RANBP17: variants seen among roughly 807,000 people sequenced by gnomAD.
RANBP17 encodes the protein ran-binding protein 17.
In RANBP17, 158 loss-of-function variants were observed where a neutral mutation model predicts 141.2. The observed-to-expected ratio is 1.12, with a 90% CI of 0.98 to 1.28. The LOEUF is 1.28. Ranked by LOEUF, RANBP17 falls within the 50% of genes most tolerant of loss-of-function variation. RANBP17 has a pLI of 0.00. For missense variants in RANBP17, 1,438 were observed against 1,290.7 expected, an observed-to-expected ratio of 1.11 and a Z score of -1.75; for synonymous variants, 430 against 450.0, an observed-to-expected ratio of 0.96 and a Z score of 0.56.
chr5:171,105,654 G>C (rs1484136371), intron 14 of RANBP17, among the ~76,000 whole-genome samples: 2 of 151,756 alleles, frequency 1.3e-5, no homozygotes, highest in Non-Finnish European at 2.9e-5. Flanking sequence ...GGAGTTTGAA[G>C]TTCCAGTGAA....
chr5:170,968,268 A>T lies in RANBP17; in HGVS notation c.1601A>T (p.Asp534Val). ...GTTTTTCAGCTTATATCTTTAATGGATACCGGATTGCCTCGATGTTGTAAT... is the reference window on the plus strand; with the variant it reads ...GTTTTTCAGCTTATATCTTTAATGGTTACCGGATTGCCTCGATGTTGTAAT... ...CRVFQLISLMDTGLPRCCNEK... is the reference protein window; with the variant it reads ...CRVFQLISLMVTGLPRCCNEK... Residue 534 changes from aspartate to valine, a missense_variant, in exon 14 of 28, where the codon GAT becomes GTT. Asp to Val is a radical substitution (Grantham distance 152). Transcript: ENST00000523189. 6.3e-7 allele frequency: 1 copy of T among 1,597,426 alleles called. No homozygotes were observed. Among genetic ancestry groups the T allele is most frequent in the Non-Finnish European group, 8.5e-7 (1 of 1,174,800 alleles).
intron 7 of RANBP17, among the ~76,000 whole-genome samples, chr5:170,912,633 G>A (rs1175718786): frequency 2.0e-5 from 3 of 151,860 alleles, no homozygotes; most frequent in African/African-American, 4.8e-5. Context: ...CAGTGGAAAA[G>A]TTGTAAGACA....
At chr5:170,896,685 A>G (rs1241825811) in intron 5 of RANBP17, among the ~76,000 whole-genome samples, 1 of 152,052 alleles carries the variant, frequency 6.6e-6, no homozygotes, top group African/African-American at 2.4e-5. Flanking sequence ...CAACAATTAG[A>G]TGGGCGTGGT....
chr5:170,885,605 A>C (rs1327035757), intron 3 of RANBP17, among the ~76,000 whole-genome samples: 1 of 152,162 alleles, frequency 6.6e-6, no homozygotes, highest in Non-Finnish European at 1.5e-5. Flanking sequence ...CAAAAATGTG[A>C]CTGACTTGGG....
chr5:171,055,162 T>C (rs1024546785), intron 14 of RANBP17, among the ~76,000 whole-genome samples: 1 of 152,168 alleles, frequency 6.6e-6, no homozygotes, highest in African/African-American at 2.4e-5. Flanking sequence ...GGAACCAAAC[T>C]GATATGGGGT....
At chr5:170,969,455 G>A (rs545485718) in intron 14 of RANBP17, among the ~76,000 whole-genome samples, 1 of 151,930 alleles carries the variant, frequency 6.6e-6, no homozygotes, top group South Asian at 2.1e-4. Flanking sequence ...ATAACAGAGT[G>A]CCTTTTTAAT....
chr5:171,006,733 CTT>C (rs961895046), intron 14 of RANBP17, among the ~76,000 whole-genome samples: 21 of 126,754 alleles, frequency 1.7e-4, no homozygotes, highest in Admixed American at 1.5e-3. Flanking sequence ...TACTCTAAAA[CTT>C]AAAGTATTAA....
chr5:170,968,391 A>G lies in RANBP17; in HGVS notation c.1710+14A>G, dbSNP rs762254392. The G allele has an allele frequency of 6.2e-7, 1 of 1,601,122 alleles. No individual in the cohort carries two copies. Among genetic ancestry groups the G allele is most frequent in the South Asian group, 1.1e-5 (1 of 88,836 alleles). On this transcript the variant is annotated intron_variant, in intron 14 of 27. Coordinates refer to ENST00000523189, the MANE Select transcript of RANBP17 (RefSeq NM_022897.5). ...AGAACCTCAAAGGTAGGTTTCTACT[A>G]GAGAGTTTAAAACATGTTATTGGGG...
chr5:171,150,983 G>A (rs1192610617), intron 14 of RANBP17, among the ~76,000 whole-genome samples: 1 of 152,164 alleles, frequency 6.6e-6, no homozygotes, highest in East Asian at 1.9e-4. Flanking sequence ...AAAAGAAAAT[G>A]AACTAGTTGA....
In RANBP17 at chr5:170,987,542, A is replaced by T. The variant is rs201377325; in HGVS notation, c.1710+19165A>T. 6.4e-3 allele frequency among the ~76,000 whole-genome samples: 108 copies of T among 16,830 alleles called. 1 individual carries two copies. In the East Asian group the frequency reaches 0.16, roughly 25 times the overall value. The allele number at this position is 16,830 out of a possible 152,430, so 11.0% of individuals were successfully genotyped here. Reference sequence around the variant, plus strand: ...CATTAGTATTCAGATAGGCCTTTTTAAAAAAAAAATAATTTCTCTATACCG... The same window carrying T: ...CATTAGTATTCAGATAGGCCTTTTTTAAAAAAAAATAATTTCTCTATACCG... On this transcript the variant is annotated intron_variant, in intron 14 of 27. Coordinates refer to ENST00000523189, the MANE Select transcript of RANBP17 (RefSeq NM_022897.5).
chr5:171,275,505 T>G (rs1464313081), intron 25 of RANBP17, among the ~76,000 whole-genome samples: 2 of 152,222 alleles, frequency 1.3e-5, no homozygotes, highest in Non-Finnish European at 2.9e-5. Flanking sequence ...CATGTTTACA[T>G]TTCGGAGAAT....
At position 170,999,234 on chromosome 5, in the gene RANBP17, A is replaced by G. The variant is rs1779038144; in HGVS notation, c.1710+30857A>G. Among the ~76,000 whole-genome samples, 4 of 152,248 alleles carry G rather than the reference A, an allele frequency of 2.6e-5. No homozygotes were observed. The South Asian group carries it at 8.3e-4, about 32-fold the overall frequency. On this transcript the variant is annotated intron_variant, in intron 14 of 27. Transcript: ENST00000523189. ...TTTAAGTATATTTCTATAATTGTAA[A>G]TAAAATCCTGACATTTGTTACAGGA...
intron 1 of RANBP17, among the ~76,000 whole-genome samples, chr5:170,867,885 T>C (rs1767394086): frequency 6.6e-6 from 1 of 152,216 alleles, no homozygotes; most frequent in African/African-American, 2.4e-5. Flanking sequence ...CCTTGTGCTC[T>C]TGTGCCCCTT....
chr5:171,143,196 T>C (rs570482648), intron 14 of RANBP17: 11 of 152,344 alleles, frequency 7.2e-5, no homozygotes, highest in African/African-American at 2.2e-4. Flanking sequence ...TGGAAGTTTT[T>C]GTTCCTAAAG....
At chr5:170,968,414 G>C (rs1776745730) in intron 14 of RANBP17, 37 bp downstream of exon 14, 1 of 1,574,582 alleles carries the variant, frequency 6.4e-7, no homozygotes, top group East Asian at 2.2e-5. Context: ...CATGTTATTG[G>C]GGATGAAGAA....
chr5:171,260,758 G>C (rs1184913814), intron 24 of RANBP17, among the ~76,000 whole-genome samples: 1 of 152,038 alleles, frequency 6.6e-6, no homozygotes. Context: ...TGGATAGAGA[G>C]TGTCTAAATG....
intron 27 of RANBP17, among the ~76,000 whole-genome samples, chr5:171,297,917 G>A (rs966598063): frequency 7.8e-5 from 11 of 140,158 alleles, no homozygotes; most frequent in South Asian, 4.6e-4. Context: ...GTGCAGTGGC[G>A]TGATCTCAGC....
intron 13 of RANBP17, among the ~76,000 whole-genome samples, chr5:170,963,124 T>C (rs1415805177): frequency 6.6e-6 from 1 of 152,164 alleles, no homozygotes; most frequent in Non-Finnish European, 1.5e-5. Context: ...CAAGATATAT[T>C]TAGTGTGATG....
chr5:170,911,421 A>T, intron 7 of RANBP17: 1 of 593,160 alleles, frequency 1.7e-6, no homozygotes. Flanking sequence ...TGAAACTTTC[A>T]GACTTTCAGA....
Sources: gnomAD v4.1 joint callset for allele counts (sites outside exome capture counted in the v4.1 genomes callset) on GRCh38, gnomAD v4.1.1 for gene constraint, MANE v1.5 for transcripts, NCBI Gene and HGNC (gene_info 2026-07-23, HGNC 2026-07-21) for gene names.